STAB2: variants seen among roughly 807,000 people sequenced by gnomAD.
STAB2 encodes the protein stabilin 2, also known as stabilin-2.
A neutral mutation model predicts 338.1 loss-of-function variants in STAB2; 288 were observed. That is an observed-to-expected ratio of 0.85 (90% confidence interval 0.77 to 0.94). The LOEUF (loss-of-function observed/expected upper bound fraction) is 0.94, where lower values mean the gene tolerates loss of function less well. Among genes scored for constraint, STAB2 ranks in the 40% least tolerant of loss-of-function variants. STAB2 has a pLI of 0.00. For missense variants in STAB2, 3,141 were observed against 3,210.1 expected (o/e 0.98, Z 0.52); for synonymous variants, 1,202 against 1,193.3 (o/e 1.01, Z -0.15).
chr12:103,609,422 G>C lies in STAB2; in HGVS notation c.332-11046G>C, dbSNP rs1197063135. On this transcript the variant is annotated intron_variant, in intron 3 of 68. Transcript: ENST00000388887. Reference sequence around the variant, plus strand: ...CTTCACATCCCTTGTAAGTTGGATTGCTAGGTATTTTATTCTCTTTGAAGC... The same window carrying C: ...CTTCACATCCCTTGTAAGTTGGATTCCTAGGTATTTTATTCTCTTTGAAGC... Among the ~76,000 whole-genome samples, 38 of 152,070 alleles carry C rather than the reference G, an allele frequency of 2.5e-4. 1 individual carries two copies. In the South Asian group the frequency reaches 4.2e-3, roughly 17 times the overall value.
Position 103,675,936 on chromosome 12 carries a change from G to A in STAB2, c.2561G>A (p.Cys854Tyr), listed in dbSNP as rs150548665. The A allele has an allele frequency of 1.2e-6, 2 of 1,612,188 alleles. No homozygotes were observed. Among genetic ancestry groups the A allele is most frequent in the South Asian group, 1.1e-5 (1 of 90,784 alleles). ...CACACTCTCCTTTGCAGTTGTATTT[G>A]CAAAGCAGGATATGAAGGAGATGGA... ...EYSNGTASCI[C>Y]KAGYEGDGTL... Residue 854 changes from cysteine (C) to tyrosine (Y), a missense_variant, in exon 24 of 69, where the codon TGC becomes TAC. Cys to Tyr is a radical substitution (Grantham distance 194, BLOSUM62 -2). Transcript: ENST00000388887.
In STAB2 at chr12:103,660,360, A is replaced by C; in HGVS notation, c.1764A>C (p.Arg588Ser). The part of the protein sequence containing the change: ...EGSRKLLELV[R>S]YHIVPFTQLE... Reference sequence around the variant, plus strand: ...CTCGGAAGCTTCTGGAACTCGTCAGATACCACATTGTCCCATTTACCCAGG... The same window carrying C: ...CTCGGAAGCTTCTGGAACTCGTCAGCTACCACATTGTCCCATTTACCCAGG... The change falls in exon 16 of 69, where the codon AGA becomes AGC. Residue 588 changes from arginine (R) to serine (S), a missense_variant. Arg to Ser is a moderately radical substitution (Grantham distance 110). Transcript: ENST00000388887. The C allele has an allele frequency of 6.2e-7, 1 of 1,614,210 alleles. No individual in the cohort carries two copies.
At chr12:103,697,311 C>T (rs1878492504) in intron 33 of STAB2, among the ~76,000 whole-genome samples, 1 of 152,236 alleles carries the variant, frequency 6.6e-6, no homozygotes, top group African/African-American at 2.4e-5. Context: ...ACTCCTGTAA[C>T]AGGCATGTTG....
chr12:103,750,764 A>T, intron 60 of STAB2, 44 bp downstream of exon 60: 1 of 1,573,276 alleles, frequency 6.4e-7, no homozygotes, highest in Non-Finnish European at 8.7e-7. Flanking sequence ...CCTCCTCTTC[A>T]GGCCTGGGGA....
intron 51 of STAB2, among the ~76,000 whole-genome samples, chr12:103,734,168 G>C (rs548328791): frequency 3.4e-4 from 38 of 112,188 alleles, no homozygotes; most frequent in African/African-American, 1.2e-3. Flanking sequence ...TCTCATAGGA[G>C]CAAGCACGAT....
At chr12:103,721,492 T>C (rs1379474675) in intron 44 of STAB2, among the ~76,000 whole-genome samples, 1 of 152,202 alleles carries the variant, frequency 6.6e-6, no homozygotes, top group Non-Finnish European at 1.5e-5. Context: ...TTTTTTCCAG[T>C]TGTGACTAGG....
chr12:103,596,108 T>G (rs1956871579), intron 3 of STAB2, among the ~76,000 whole-genome samples: 1 of 152,214 alleles, frequency 6.6e-6, no homozygotes, highest in Non-Finnish European at 1.5e-5. Flanking sequence ...GTTAATCAAA[T>G]TCAGTGTCTT....
chr12:103,639,049 A>G (rs1957598110), intron 8 of STAB2, among the ~76,000 whole-genome samples: 1 of 152,206 alleles, frequency 6.6e-6, no homozygotes, highest in Non-Finnish European at 1.5e-5. Flanking sequence ...TTTTTCTGCT[A>G]TCGATTTCTG....
intron 59 of STAB2, among the ~76,000 whole-genome samples, chr12:103,749,901 G>A (rs187513801): frequency 5.8e-4 from 78 of 135,222 alleles, no homozygotes; most frequent in South Asian, 4.0e-3. Flanking sequence ...GAAAAGTGCC[G>A]AAAAGATGAT....
chr12:103,759,359 A>T, intron 65 of STAB2, 86 bp downstream of exon 65: 1 of 1,514,600 alleles, frequency 6.6e-7, no homozygotes, highest in Non-Finnish European at 8.9e-7. Flanking sequence ...ATAGATGGCA[A>T]CTATTATGCA....
At chr12:103,587,652 A>C in intron 1 of STAB2, 95 bp downstream of exon 1, 1 of 959,686 alleles carries the variant, frequency 1.0e-6, no homozygotes, top group Non-Finnish European at 1.6e-6. Context: ...TAAAGGGTGA[A>C]ATCTGGACTT....
chr12:103,632,180 C>A (rs1957474122), intron 6 of STAB2, among the ~76,000 whole-genome samples: 1 of 152,184 alleles, frequency 6.6e-6, no homozygotes, highest in South Asian at 2.1e-4. Context: ...TCATTTGAAT[C>A]CATGGGAAAT....
chr12:103,632,543 C>G (rs759477446), intron 6 of STAB2, among the ~76,000 whole-genome samples: 3 of 152,100 alleles, frequency 2.0e-5, no homozygotes, highest in Non-Finnish European at 4.4e-5. Context: ...AATCAGGGGC[C>G]TCTCAGGCAA....
intron 9 of STAB2, among the ~76,000 whole-genome samples, chr12:103,645,968 C>T (rs968614748): frequency 5.3e-5 from 8 of 152,148 alleles, no homozygotes; most frequent in African/African-American, 1.4e-4. Context: ...TAAATGATCC[C>T]CCAAGTGTTT....
chr12:103,591,524 T>C (rs1459996104), intron 2 of STAB2, among the ~76,000 whole-genome samples: 1 of 152,226 alleles, frequency 6.6e-6, no homozygotes, highest in South Asian at 2.1e-4. Context: ...CACATTTTAA[T>C]ACAAAATTGA....
Position 103,737,780 on chromosome 12 carries a change from G to C in STAB2, c.5697G>C (p.Ser1899=), listed in dbSNP as rs144027784. The change falls in exon 53 of 69, where the codon TCG becomes TCC. Residue 1899 remains serine (S), a splice_region_variant and synonymous_variant. Coordinates refer to ENST00000388887, the MANE Select transcript of STAB2 (RefSeq NM_017564.10). ...ACACCTTTACTACTTTCGATGCCTC[G>C]GTCAGTCCTAAAAACAACAGTGTAG... The part of the protein sequence containing the change: ...RCDTFTTFDA[S]GECGSCVNTP... The C allele has an allele frequency of 8.1e-6, 13 of 1,613,358 alleles. No homozygotes were observed. The highest frequency in any genetic ancestry group is 1.1e-5 in the South Asian group (1 of 91,016).
intron 2 of STAB2, among the ~76,000 whole-genome samples, chr12:103,592,739 A>G (rs916205618): frequency 6.6e-6 from 1 of 152,132 alleles, no homozygotes; most frequent in Non-Finnish European, 1.5e-5. Flanking sequence ...CTGTCTTTGC[A>G]ATGTTTAAGC....
At chr12:103,668,509 A>T in intron 19 of STAB2, 134 bp from the exon 20 acceptor site, 2 of 749,336 alleles carry the variant, frequency 2.7e-6, no homozygotes, top group Non-Finnish European at 4.5e-6. Context: ...CAGGTCTGCT[A>T]GTGTGGTCCA....
chr12:103,682,423 C>A (rs989398127), intron 25 of STAB2, among the ~76,000 whole-genome samples: 3 of 152,196 alleles, frequency 2.0e-5, no homozygotes, highest in African/African-American at 7.2e-5. Flanking sequence ...GGACACAAAC[C>A]TTAATTACGA....
Sources: gnomAD v4.1 joint callset for allele counts (sites outside exome capture counted in the v4.1 genomes callset) on GRCh38, gnomAD v4.1.1 for gene constraint, MANE v1.5 for transcripts, NCBI Gene and HGNC (gene_info 2026-07-23, HGNC 2026-07-21) for gene names.